AS3MT: variants seen among roughly 807,000 people sequenced by gnomAD.
AS3MT encodes arsenite methyltransferase, also known as S-adenosyl-L-methionine:arsenic(III) methyltransferase.
In AS3MT, 47 loss-of-function variants were observed where a neutral mutation model predicts 45.3. That is an observed-to-expected ratio of 1.04 (90% CI 0.82 to 1.32). The LOEUF (loss-of-function observed/expected upper bound fraction) is 1.32, where lower values mean the gene tolerates loss of function less well. Ranked by LOEUF, AS3MT falls within the 40% of genes most tolerant of loss-of-function variation. The pLI is 0.00. For missense variants in AS3MT, 396 were observed against 451.1 expected, an observed-to-expected ratio of 0.88 and a Z score of 1.11; for synonymous variants, 141 against 152.8, an observed-to-expected ratio of 0.92 and a Z score of 0.57.
chr10:102,886,117 T>C (rs1844949958), intron 9 of AS3MT, among the ~76,000 whole-genome samples: 1 of 152,136 alleles, frequency 6.6e-6, no homozygotes, highest in Non-Finnish European at 1.5e-5. Context: ...TTTTTCATTT[T>C]GTTGATCTTC....
intron 9 of AS3MT, 30 bp from the exon 10 acceptor site, chr10:102,890,514 C>T: frequency 6.5e-7 from 1 of 1,547,496 alleles, no homozygotes; most frequent in Non-Finnish European, 8.7e-7. Context: ...AGTTGCAACT[C>T]TTAGTATTTT....
intron 7 of AS3MT, 76 bp downstream of exon 7, chr10:102,877,111 G>T (rs1288800743): frequency 8.7e-6 from 12 of 1,385,206 alleles, no homozygotes; most frequent in South Asian, 2.3e-5. Flanking sequence ...TAATAGCCAG[G>T]ATGAGGCTAT....
intron 10 of AS3MT, among the ~76,000 whole-genome samples, chr10:102,898,048 TA>T (rs1434669500): frequency 1.3e-5 from 2 of 152,150 alleles, no homozygotes; most frequent in African/African-American, 4.8e-5. Flanking sequence ...AGGAAGATTT[TA>T]ATAAATGAAA....
At chr10:102,889,244 C>A (rs1564794686) in intron 9 of AS3MT, among the ~76,000 whole-genome samples, 1 of 151,976 alleles carries the variant, frequency 6.6e-6, no homozygotes, top group Non-Finnish European at 1.5e-5. Context: ...CCATTCTGTA[C>A]CCTTTCTGGC....
At chr10:102,885,055 A>C (rs1844926891) in intron 9 of AS3MT, among the ~76,000 whole-genome samples, 1 of 152,026 alleles carries the variant, frequency 6.6e-6, no homozygotes, top group Non-Finnish European at 1.5e-5. Context: ...AACTATAGTC[A>C]CCCTACTGAT....
chr10:102,889,715 G>A (rs1038152304), intron 9 of AS3MT, among the ~76,000 whole-genome samples: 13 of 139,998 alleles, frequency 9.3e-5, no homozygotes, highest in Non-Finnish European at 1.7e-4. Flanking sequence ...TGGCTCTGTC[G>A]CCCAGGCTGG....
In AS3MT at chr10:102,901,882, AAAC is replaced by A. The variant is rs1351607859; in HGVS notation, c.*1185_*1187del. ...TTTTTCTTTTTTTTTGCAATAAAGAAAACAAATTAATCATAAACATCTTTGAAT... is the reference window on the plus strand; with the variant it reads ...TTTTTCTTTTTTTTTGCAATAAAGAAAAATTAATCATAAACATCTTTGAAT... On this transcript the variant is annotated 3_prime_UTR_variant, in exon 11 of 11. Transcript: ENST00000369880. 3.9e-5 allele frequency: 6 copies of A among 152,172 alleles called. No individual in the cohort carries two copies. The highest frequency in any genetic ancestry group is 1.2e-4 in the African/African-American group (5 of 41,438). The allele number at this position is 152,172 out of a possible 1,614,324, so 9.4% of individuals were successfully genotyped here.
chr10:102,872,340 A>G, intron 3 of AS3MT, 108 bp from the exon 4 acceptor site: 1 of 1,171,678 alleles, frequency 8.5e-7, no homozygotes. Flanking sequence ...GAAAGAAGGA[A>G]GGAAGGAAGG....
intron 10 of AS3MT, among the ~76,000 whole-genome samples, chr10:102,899,578 C>T (rs1590233725): frequency 6.6e-6 from 1 of 152,142 alleles, no homozygotes; most frequent in East Asian, 1.9e-4. Context: ...CCTTGTACAC[C>T]CCTCTATTTG....
At chr10:102,900,364 C>T (rs142730741) in intron 10 of AS3MT, among the ~76,000 whole-genome samples, 2 of 152,268 alleles carry the variant, frequency 1.3e-5, no homozygotes, top group East Asian at 3.9e-4. Context: ...CAAGAGGGAC[C>T]ATCTTTAAGA....
Position 102,897,166 on chromosome 10 carries a change from C to T in AS3MT, c.1021-3427C>T, listed in dbSNP as rs190529372. Among the ~76,000 whole-genome samples, 1,241 of 152,050 alleles carry T rather than the reference C, an allele frequency of 8.2e-3. 7 individuals are homozygous for T. Among genetic ancestry groups the T allele is most frequent in the Non-Finnish European group, 0.013 (853 of 67,996 alleles). On this transcript the variant is annotated intron_variant, in intron 10 of 10. Coordinates refer to ENST00000369880, the MANE Select transcript of AS3MT (RefSeq NM_020682.4). ...TGGGGAGGCCGAGGCGGGTGGATCA[C>T]GAGGTCAGGAGATCGAGACCATCCT...
At chr10:102,872,307 A>G in intron 3 of AS3MT, 141 bp from the exon 4 acceptor site, 2 of 861,296 alleles carry the variant, frequency 2.3e-6, no homozygotes, top group South Asian at 1.6e-5. Context: ...ACTAAACATC[A>G]GAAGTATGAG....
In AS3MT at chr10:102,889,294, C is replaced by T. The variant is rs183440186; in HGVS notation, c.886-1250C>T. ...AATATACTCTCTATCTTAATGAGTT[C>T]CACTTTTTTTAGCTTCCACATATCA... On this transcript the variant is annotated intron_variant, in intron 9 of 10. Transcript: ENST00000369880. Among the ~76,000 whole-genome samples the T allele has an allele frequency of 8.5e-5, 13 of 152,122 alleles. No homozygotes were observed. The East Asian group carries it at 2.5e-3, about 29-fold the overall frequency.
At chr10:102,873,296 A>ATTT (rs17879781) in intron 5 of AS3MT, 63 bp downstream of exon 5, 271,903 of 1,242,260 alleles carry the variant, frequency 0.22, 29,637 homozygotes, top group East Asian at 0.34. Flanking sequence ...TATTATTATT[A>ATTT]TTGAGATGGA....
chr10:102,879,655 A>G (rs1844842326), intron 9 of AS3MT, among the ~76,000 whole-genome samples: 1 of 151,124 alleles, frequency 6.6e-6, no homozygotes, highest in Admixed American at 6.6e-5. Flanking sequence ...TGTAATCCCA[A>G]CTACTCTGGA....
intron 10 of AS3MT, among the ~76,000 whole-genome samples, chr10:102,893,084 A>G (rs1845100743): frequency 6.6e-6 from 1 of 151,022 alleles, no homozygotes; most frequent in African/African-American, 2.4e-5. Context: ...AGCACAACGG[A>G]AGTCTCTAAA....
At chr10:102,886,165 T>C (rs1844951012) in intron 9 of AS3MT, among the ~76,000 whole-genome samples, 1 of 152,128 alleles carries the variant, frequency 6.6e-6, no homozygotes, top group African/African-American at 2.4e-5. Flanking sequence ...ATTTCTGCTG[T>C]GATGTTCTTT....
intron 10 of AS3MT, among the ~76,000 whole-genome samples, chr10:102,894,342 G>C (rs1288634300): frequency 1.3e-5 from 2 of 151,964 alleles, no homozygotes; most frequent in Admixed American, 6.6e-5. Flanking sequence ...AGAATTCCTT[G>C]AACCTGGGAG....
rs1359617892 is a variant in AS3MT at position 102,890,566 on chromosome 10, A to G, written c.908A>G (p.Asp303Gly). The part of the protein sequence containing the change: ...TFKEGEIVEV[D>G]EETAAILKNS... ...TAGGAAGGTGAAATTGTTGAAGTGG[A>G]TGAAGAAACAGCAGCTATCTTGAAG... Residue 303 changes from aspartate to glycine, a missense_variant, in exon 10 of 11, where the codon GAT becomes GGT. Transcript: ENST00000369880. 1.9e-6 allele frequency: 3 copies of G among 1,602,904 alleles called. No homozygotes were observed. The highest frequency in any genetic ancestry group is 2.7e-5 in the African/African-American group (2 of 74,134).
Sources: gnomAD v4.1 joint callset for allele counts (sites outside exome capture counted in the v4.1 genomes callset) on GRCh38, gnomAD v4.1.1 for gene constraint, MANE v1.5 for transcripts, NCBI Gene and HGNC (gene_info 2026-07-23, HGNC 2026-07-21) for gene names.